Variants in NTM observed in about 807,000 individuals in gnomAD.
NTM encodes the protein neurotrimin.
A neutral mutation model predicts 42.1 loss-of-function variants in NTM; 13 were observed. The observed-to-expected ratio is 0.31, with a 90% confidence interval of 0.20 to 0.49. NTM has a LOEUF of 0.49. Ranked by LOEUF, NTM falls within the 20% of genes least tolerant of loss-of-function variation. NTM has a pLI of 0.99. For synonymous variants in NTM, 187 were observed against 179.2 expected (o/e 1.04, Z -0.35); for missense variants, 373 against 452.8 (o/e 0.82, Z 1.60).
At chr11:131,571,849 G>A (rs1407153918) in intron 1 of NTM, among the ~76,000 whole-genome samples, 2 of 152,212 alleles carry the variant, frequency 1.3e-5, no homozygotes, top group African/African-American at 4.8e-5. Flanking sequence ...TCAGCACAGA[G>A]ACTCCTTTTT....
chr11:132,170,901 T>C (rs568141234), intron 3 of NTM, among the ~76,000 whole-genome samples: 2 of 152,292 alleles, frequency 1.3e-5, no homozygotes, highest in East Asian at 3.9e-4. Flanking sequence ...ATTGCGGTAT[T>C]TGAGGATGCC....
intron 4 of NTM, among the ~76,000 whole-genome samples, chr11:132,254,193 A>G (rs1470078111): frequency 1.3e-5 from 2 of 152,078 alleles, no homozygotes; most frequent in African/African-American, 4.8e-5. Flanking sequence ...TGTGTGTTCT[A>G]CTGAGCACCC....
intron 1 of NTM, among the ~76,000 whole-genome samples, chr11:131,856,686 T>C (rs1184085743): frequency 6.6e-6 from 1 of 152,242 alleles, no homozygotes; most frequent in African/African-American, 2.4e-5. Context: ...AAGAAATGTC[T>C]TATTTAGATT....
intron 2 of NTM, among the ~76,000 whole-genome samples, chr11:132,104,402 C>T (rs748473030): frequency 3.6e-4 from 54 of 151,504 alleles, no homozygotes; most frequent in Admixed American, 5.9e-4. Flanking sequence ...GTATTTTTTT[C>T]GTAAAGTTTA....
At chr11:131,943,704 T>G (rs933156000) in intron 2 of NTM, among the ~76,000 whole-genome samples, 4 of 152,218 alleles carry the variant, frequency 2.6e-5, no homozygotes, top group African/African-American at 9.6e-5. Context: ...GAAATGCAAC[T>G]TTCCTTTTTT....
intron 4 of NTM, among the ~76,000 whole-genome samples, chr11:132,250,931 G>T (rs997444076): frequency 8.6e-5 from 13 of 151,988 alleles, no homozygotes; most frequent in African/African-American, 3.1e-4. Flanking sequence ...GTTACTTTTG[G>T]CTCTGTGAGG....
intron 1 of NTM, among the ~76,000 whole-genome samples, chr11:131,627,606 T>C (rs1343608902): frequency 6.6e-6 from 1 of 151,926 alleles, no homozygotes; most frequent in Admixed American, 6.6e-5. Context: ...CTGAGGAAGG[T>C]GGATCGCTTG....
intron 3 of NTM, among the ~76,000 whole-genome samples, chr11:132,205,939 G>T (rs374967252): frequency 6.6e-6 from 1 of 152,104 alleles, no homozygotes; most frequent in Non-Finnish European, 1.5e-5. Context: ...CCCCTAGAAG[G>T]TCTAGGGGTC....
At chr11:131,972,825 T>C (rs1194561652) in intron 2 of NTM, among the ~76,000 whole-genome samples, 1 of 152,162 alleles carries the variant, frequency 6.6e-6, no homozygotes, top group Non-Finnish European at 1.5e-5. Flanking sequence ...TAATTTTAAA[T>C]GAAAGAAAGC....
chr11:131,856,169 CCTTT>C (rs56940509), intron 1 of NTM, among the ~76,000 whole-genome samples: 105,251 of 151,366 alleles, frequency 0.7, 37,241 homozygotes, highest in East Asian at 0.86. Flanking sequence ...TCCTCATCAT[CCTTT>C]CTTTCACTCT....
chr11:131,886,792 A>G (rs1413205362), intron 1 of NTM, among the ~76,000 whole-genome samples: 1 of 152,174 alleles, frequency 6.6e-6, no homozygotes, highest in Non-Finnish European at 1.5e-5. Flanking sequence ...TTTAGCAGGG[A>G]GGAAGGGACG....
chr11:131,548,748 T>C (rs1021402308), intron 1 of NTM, among the ~76,000 whole-genome samples: 28 of 152,154 alleles, frequency 1.8e-4, no homozygotes, highest in African/African-American at 6.8e-4. Flanking sequence ...GGTCTCTTAG[T>C]ATATCTAAAT....
At chr11:132,083,099 T>G (rs2059289041) in intron 2 of NTM, among the ~76,000 whole-genome samples, 1 of 152,254 alleles carries the variant, frequency 6.6e-6, no homozygotes, top group Non-Finnish European at 1.5e-5. Flanking sequence ...TGCCCAGAAC[T>G]GGAATATTGA....
rs567897919 is a variant in NTM at position 132,325,654 on chromosome 11, A to C, written c.935-4499A>C. ...ACTGGAAATACCATTTGACCCAGCC[A>C]TCCCATTACTGGGTATATACCCAAA... On this transcript the variant is annotated intron_variant, in intron 7 of 8. Transcript: ENST00000683400. Among the ~76,000 whole-genome samples the C allele has an allele frequency of 4.0e-4, 61 of 152,274 alleles. No individual in the cohort carries two copies. In the East Asian group the frequency reaches 0.01, roughly 25 times the overall value.
At chr11:131,420,230 C>G (rs1947357282) in intron 1 of NTM, among the ~76,000 whole-genome samples, 1 of 152,216 alleles carries the variant, frequency 6.6e-6, no homozygotes, top group South Asian at 2.1e-4. Flanking sequence ...GAACCTGATG[C>G]AATGGCAAAG....
At chr11:132,100,896 A>C (rs1032033702) in intron 2 of NTM, among the ~76,000 whole-genome samples, 5 of 152,226 alleles carry the variant, frequency 3.3e-5, no homozygotes, top group Non-Finnish European at 2.9e-5. Flanking sequence ...TAGAAACTAC[A>C]GAGGGAAATT....
chr11:131,893,263 T>A (rs1414198612), intron 1 of NTM, among the ~76,000 whole-genome samples: 1 of 152,142 alleles, frequency 6.6e-6, no homozygotes, highest in Non-Finnish European at 1.5e-5. Flanking sequence ...AAAGTGAGAA[T>A]GTAGGAGGAG....
chr11:131,744,555 G>A (rs1192426014), intron 1 of NTM, among the ~76,000 whole-genome samples: 1 of 152,112 alleles, frequency 6.6e-6, no homozygotes, highest in East Asian at 1.9e-4. Flanking sequence ...AAGCTGTCAG[G>A]AGAGGTAAAA....
chr11:132,083,991 T>TA (rs200817671), intron 2 of NTM, among the ~76,000 whole-genome samples: 2,126 of 151,364 alleles, frequency 0.014, 25 homozygotes, highest in Non-Finnish European at 0.021. Flanking sequence ...AAGCAAAAGT[T>TA]AAAAAAAAAG....
Sources: allele counts gnomAD v4.1 joint callset (sites outside exome capture counted in the v4.1 genomes callset), GRCh38; gene constraint gnomAD v4.1.1; transcripts MANE v1.5; gene names NCBI Gene and HGNC (gene_info 2026-07-23, HGNC 2026-07-21).